ALDH4A1: variants seen among roughly 807,000 people sequenced by gnomAD.
ALDH4A1 encodes delta-1-pyrroline-5-carboxylate dehydrogenase, mitochondrial.
A neutral mutation model predicts 70.5 loss-of-function variants in ALDH4A1; 46 were observed. That is an observed-to-expected ratio of 0.65 (90% CI 0.51 to 0.83). ALDH4A1 has a LOEUF of 0.83. Among genes scored for constraint, ALDH4A1 ranks in the 40% least tolerant of loss-of-function variants. ALDH4A1 has a pLI of 0.00. For missense variants in ALDH4A1, 749 were observed against 766.5 expected, an observed-to-expected ratio of 0.98 and a Z score of 0.27; for synonymous variants, 323 against 324.3, an observed-to-expected ratio of 1.00 and a Z score of 0.04.
At position 18,872,696 on chromosome 1, in the gene ALDH4A1, C is replaced by T; in HGVS notation, c.*149G>A. ...CCAGAGCCTGAGGCATGGGAGAGGC[C>T]AGAATACAGTGGTAAGAAGGGAGTC... On this transcript the variant is annotated 3_prime_UTR_variant, in exon 15 of 15. Transcript: ENST00000375341. 1.5e-6 allele frequency: 1 copy of T among 657,452 alleles called. No individual in the cohort carries two copies. Among genetic ancestry groups the T allele is most frequent in the Non-Finnish European group, 2.7e-6 (1 of 372,692 alleles). 40.7% of individuals were successfully genotyped at this position (657,452 alleles called of 1,614,324 possible).
intron 3 of ALDH4A1, 92 bp from the exon 4 acceptor site, chr1:18,886,603 A>T: frequency 7.2e-7 from 1 of 1,386,714 alleles, no homozygotes; most frequent in Non-Finnish European, 1.0e-6. Flanking sequence ...TTTCCAGGAA[A>T]GTCCTGGACA....
intron 1 of ALDH4A1, among the ~76,000 whole-genome samples, chr1:18,895,630 A>T (rs1372584727): frequency 6.6e-6 from 1 of 152,226 alleles, no homozygotes. Context: ...GATCTGATCT[A>T]CAAAGGCCAG....
chr1:18,875,352 C>T (rs368173140), intron 13 of ALDH4A1, 30 bp downstream of exon 13: 826 of 1,613,704 alleles, frequency 5.1e-4, no homozygotes, highest in Non-Finnish European at 6.8e-4. Flanking sequence ...ACCCGGAGCA[C>T]AGCACCAGGG....
Position 18,879,307 on chromosome 1 carries a change from C to T in ALDH4A1, c.933G>A (p.Leu311=). ...AGGTGAGGCAGGCCTTACCTCCAGC[C>T]AGGCGTGGGAAGGTGTGGAACCGGT... ...NLDRFHTFPR[L]AGECGGKNFH... is the part of the protein sequence containing the mutation. The change falls in exon 9 of 15, where the codon CTG becomes CTA. Residue 311 remains leucine, a synonymous_variant. Coordinates refer to ENST00000375341, the MANE Select transcript of ALDH4A1 (RefSeq NM_003748.4). The T allele has an allele frequency of 6.2e-7, 1 of 1,609,002 alleles. No homozygotes were observed. Among genetic ancestry groups the T allele is most frequent in the Non-Finnish European group, 8.5e-7 (1 of 1,177,840 alleles).
intron 1 of ALDH4A1, among the ~76,000 whole-genome samples, chr1:18,896,560 A>G (rs1935622860): frequency 6.6e-6 from 1 of 152,200 alleles, no homozygotes; most frequent in South Asian, 2.1e-4. Flanking sequence ...ACACTAGGTG[A>G]GCAGAGAAAG....
chr1:18,885,427 T>TTCCCCCCCCCCCCCCCCCCCCCCCC, intron 5 of ALDH4A1, 46 bp downstream of exon 5: 3 of 650,920 alleles, frequency 4.6e-6, no homozygotes, highest in Non-Finnish European at 5.4e-6. Flanking sequence ...CACACCTGAC[T>TTCCCCCCCCCCCCCCCCCCCCCCCC]CCCACCCCAC....
At chr1:18,894,980 C>G (rs1192740946) in intron 1 of ALDH4A1, among the ~76,000 whole-genome samples, 1 of 150,182 alleles carries the variant, frequency 6.7e-6, no homozygotes, top group Non-Finnish European at 1.5e-5. Context: ...TGGGGCCTCT[C>G]TGAGGATCCA....
rs1225663768 is a variant in ALDH4A1 at position 18,872,474 on chromosome 1, G to A, written c.*371C>T. On this transcript the variant is annotated 3_prime_UTR_variant, in exon 15 of 15. Coordinates refer to ENST00000375341, the MANE Select transcript of ALDH4A1 (RefSeq NM_003748.4). ...GCCAGGAGCCTCTGTGAGTGGTGAG[G>A]TTTGCCAAGGGGCCCAGAATGGCCT... 3.1e-5 allele frequency: 6 copies of A among 195,894 alleles called. No homozygotes were observed. Among genetic ancestry groups the A allele is most frequent in the Non-Finnish European group, 6.3e-5 (6 of 94,628 alleles). 12.1% of individuals were successfully genotyped at this position (195,894 alleles called of 1,614,324 possible).
chr1:18,885,441 G>GCCC, intron 5 of ALDH4A1, 32 bp downstream of exon 5: 1 of 423,746 alleles, frequency 2.4e-6, no homozygotes, highest in Non-Finnish European at 3.8e-6. Context: ...ACCCCACCCC[G>GCCC]CCCCACCCAC....
intron 1 of ALDH4A1, among the ~76,000 whole-genome samples, chr1:18,892,253 G>A (rs572323755): frequency 1.3e-5 from 2 of 152,230 alleles, no homozygotes; most frequent in South Asian, 4.2e-4. Context: ...GCCAGGCCCT[G>A]TGTTCATTCC....
Position 18,885,588 on chromosome 1 carries a change from C to T in ALDH4A1, c.338G>A (p.Arg113Gln), listed in dbSNP as rs371321697. 31 of 1,613,766 alleles carry T rather than the reference C, an allele frequency of 1.9e-5. 1 individual carries two copies. Among genetic ancestry groups the T allele is most frequent in the South Asian group, 1.4e-4 (13 of 91,000 alleles). The change falls in exon 5 of 15, where the codon CGG (arginine) becomes CAG (glutamine). Residue 113 changes from arginine to glutamine, a missense_variant. Physicochemically the swap from Arg to Gln is conservative, Grantham distance 43 (BLOSUM62 1). Transcript: ENST00000375341. ...NKAIEAALAA[R>Q]KEWDLKPIAD... ...AATAGGCTTCAGGTCCCACTCTTTCCGGGCAGCCAGGGCAGCCTCAATGGC... is the reference window on the plus strand; with the variant it reads ...AATAGGCTTCAGGTCCCACTCTTTCTGGGCAGCCAGGGCAGCCTCAATGGC...
chr1:18,877,105 G>A (rs1439981490), intron 11 of ALDH4A1, 103 bp downstream of exon 11: 23 of 1,426,898 alleles, frequency 1.6e-5, no homozygotes. Flanking sequence ...AAGCAGTGGG[G>A]CTGGGTCATG....
At chr1:18,893,887 T>A (rs1190112413) in intron 1 of ALDH4A1, among the ~76,000 whole-genome samples, 1 of 152,252 alleles carries the variant, frequency 6.6e-6, no homozygotes, top group East Asian at 1.9e-4. Context: ...ATCCCACTTG[T>A]TACTGCAGCT....
chr1:18,893,721 C>G (rs1935522826), intron 1 of ALDH4A1, among the ~76,000 whole-genome samples: 1 of 152,192 alleles, frequency 6.6e-6, no homozygotes, highest in East Asian at 1.9e-4. Context: ...CCAGGCTGGT[C>G]TCGAACTCCT....
chr1:18,902,424 C>T, intron 1 of ALDH4A1, 38 bp downstream of exon 1: 1 of 1,309,320 alleles, frequency 7.6e-7, no homozygotes, highest in Non-Finnish European at 9.7e-7. Context: ...GGGCCCCAGG[C>T]GCGCGCTCGG....
At chr1:18,891,782 C>A (rs1338792273) in intron 1 of ALDH4A1, among the ~76,000 whole-genome samples, 1 of 152,164 alleles carries the variant, frequency 6.6e-6, no homozygotes, top group East Asian at 1.9e-4. Context: ...AATCACAGGA[C>A]TTTGGGAGGC....
chr1:18,879,239 A>G (rs1291313158), intron 9 of ALDH4A1, 61 bp downstream of exon 9: 1 of 1,492,764 alleles, frequency 6.7e-7, no homozygotes, highest in Non-Finnish European at 9.2e-7. Flanking sequence ...CTCCTCTTTC[A>G]TAATGGCCAG....
At chr1:18,901,381 C>T (rs1935793184) in intron 1 of ALDH4A1, among the ~76,000 whole-genome samples, 1 of 152,194 alleles carries the variant, frequency 6.6e-6, no homozygotes, top group South Asian at 2.1e-4. Context: ...GGGCACAGCT[C>T]ATCAGGAAAG....
At chr1:18,888,516 G>A (rs1030354599) in intron 3 of ALDH4A1, among the ~76,000 whole-genome samples, 1 of 152,218 alleles carries the variant, frequency 6.6e-6, no homozygotes, top group Admixed American at 6.5e-5. Flanking sequence ...CAGAATGCCG[G>A]AGCCTCGCTG....
Sources: gnomAD v4.1 joint callset for allele counts (sites outside exome capture counted in the v4.1 genomes callset) on GRCh38, gnomAD v4.1.1 for gene constraint, MANE v1.5 for transcripts, NCBI Gene and HGNC (gene_info 2026-07-23, HGNC 2026-07-21) for gene names.